The following PALM2AKAP2 variants were observed in gnomAD, a reference collection of about 807,000 sequenced individuals.
The protein encoded by PALM2AKAP2 is PALM2 and AKAP2 fusion.
PALM2AKAP2 carries 37 observed loss-of-function variants against 71.5 expected under a neutral mutation model. That is an observed-to-expected ratio of 0.52 (90% CI 0.40 to 0.68). The LOEUF is 0.68. Among genes scored for constraint, PALM2AKAP2 ranks in the 30% least tolerant of loss-of-function variants. The probability of loss-of-function intolerance (pLI) is 0.00; values close to 1 mark genes in which losing one functional copy is unlikely to be tolerated. For missense variants in PALM2AKAP2, 1,224 were observed against 1,191.8 expected (o/e 1.03, Z -0.40); for synonymous variants, 468 against 478.8 (o/e 0.98, Z 0.29).
chr9:109,695,753 T>C (rs545035391), intron 1 of PALM2AKAP2, among the ~76,000 whole-genome samples: 1 of 152,294 alleles, frequency 6.6e-6, no homozygotes, highest in South Asian at 2.1e-4. Context: ...GGTCATTATT[T>C]AAAGTGAAAT....
chr9:109,739,810 C>T (rs1269104284), intron 1 of PALM2AKAP2, among the ~76,000 whole-genome samples: 1 of 152,212 alleles, frequency 6.6e-6, no homozygotes, highest in Non-Finnish European at 1.5e-5. Flanking sequence ...CCTCTCTAGA[C>T]ACCCAAGGGA....
upstream of PALM2AKAP2, chr9:110,048,587 G>A: frequency 5.1e-6 from 6 of 1,166,076 alleles, no homozygotes; most frequent in African/African-American, 1.6e-5. Context: ...GGCGGTCCGT[G>A]GGCGCTGGGC....
intron 1 of PALM2AKAP2, among the ~76,000 whole-genome samples, chr9:109,692,495 G>A (rs567846182): frequency 6.6e-6 from 1 of 151,944 alleles, no homozygotes; most frequent in Non-Finnish European, 1.5e-5. Flanking sequence ...AGTGGTGAGA[G>A]CAAGCATATT....
At chr9:109,834,717 A>G (rs775810084) in intron 1 of PALM2AKAP2, among the ~76,000 whole-genome samples, 22 of 152,206 alleles carry the variant, frequency 1.4e-4, no homozygotes, top group Admixed American at 2.0e-4. Context: ...TGTGTTGAGT[A>G]TGGTGAAGGA....
intron 1 of PALM2AKAP2, among the ~76,000 whole-genome samples, chr9:109,742,250 TTCAC>T (rs1320352321): frequency 2.4e-5 from 3 of 124,162 alleles, no homozygotes; most frequent in Non-Finnish European, 5.0e-5. Context: ...ATGTGATGTA[TTCAC>T]ACACACACAC....
At chr9:109,808,827 T>G (rs1268943901) in intron 1 of PALM2AKAP2, among the ~76,000 whole-genome samples, 1 of 152,248 alleles carries the variant, frequency 6.6e-6, no homozygotes, top group Non-Finnish European at 1.5e-5. Flanking sequence ...TGCTGCTTTG[T>G]GCAGTCTTGA....
intron 1 of PALM2AKAP2, among the ~76,000 whole-genome samples, chr9:110,120,238 A>G (rs545140599): frequency 3.3e-5 from 5 of 152,306 alleles, no homozygotes; most frequent in Admixed American, 2.0e-4. Flanking sequence ...GTCCTCCCCA[A>G]TGCAACAAGA....
At chr9:109,692,048 T>C (rs1364865620) in intron 1 of PALM2AKAP2, among the ~76,000 whole-genome samples, 9 of 149,254 alleles carry the variant, frequency 6.0e-5, no homozygotes. Flanking sequence ...TAGTTAAATT[T>C]ATCTCTAAGT....
At chr9:109,644,737 C>T (rs1337394033) in intron 1 of PALM2AKAP2, among the ~76,000 whole-genome samples, 1 of 151,536 alleles carries the variant, frequency 6.6e-6, no homozygotes, top group Non-Finnish European at 1.5e-5. Context: ...TAAATCATCT[C>T]TCTCAAGTTC....
intron 1 of PALM2AKAP2, among the ~76,000 whole-genome samples, chr9:109,770,567 C>T (rs1829244647): frequency 6.6e-6 from 1 of 152,202 alleles, no homozygotes; most frequent in African/African-American, 2.4e-5. Context: ...AAGGTTTGTA[C>T]AGCATCAAAA....
rs188608340 is a variant in PALM2AKAP2, at chr9:109,697,125, C to A, written c.5+56259C>A. On this transcript the variant is annotated intron_variant, in intron 1 of 6. Coordinates refer to the PALM2AKAP2 transcript ENST00000374531. ...AGAGAATCTCACCTAAGACATTCAT[C>A]AACAGGGTACTGGTTAAATAAATGA... 1.8e-3 allele frequency among the ~76,000 whole-genome samples: 275 copies of A among 152,220 alleles called. 3 individuals are homozygous for A. The highest frequency in any genetic ancestry group is 3.2e-3 in the Non-Finnish European group (218 of 68,014).
intron 1 of PALM2AKAP2, among the ~76,000 whole-genome samples, chr9:109,672,842 T>C (rs1308078499): frequency 2.0e-5 from 3 of 152,104 alleles, no homozygotes; most frequent in African/African-American, 7.2e-5. Context: ...GGAGGGTATA[T>C]GTGTCCAGGA....
In PALM2AKAP2 at chr9:109,929,863, CAAAAAAA is replaced by C. The variant is rs58029417; in HGVS notation, c.395-2046_395-2040del. On this transcript the variant is annotated intron_variant, in intron 5 of 9. Coordinates refer to the PALM2AKAP2 transcript ENST00000302798. ...TGGGTGACAGAGTGAGACTCCATTT[CAAAAAAA>C]AAAAAAAAAAAAAAAAAGAGAGAGA... Among the ~76,000 whole-genome samples the C allele has an allele frequency of 5.3e-3, 366 of 69,438 alleles. 2 individuals carry two copies. Among genetic ancestry groups the C allele is most frequent in the African/African-American group, 0.018 (317 of 17,982 alleles). 45.6% of individuals were successfully genotyped at this position (69,438 alleles called of 152,430 possible).
intron 3 of PALM2AKAP2, among the ~76,000 whole-genome samples, chr9:109,887,728 T>C (rs1829999371): frequency 6.6e-6 from 1 of 152,134 alleles, no homozygotes; most frequent in Non-Finnish European, 1.5e-5. Flanking sequence ...ACAAGATGAA[T>C]GAAAAATAAT....
chr9:109,832,296 G>A (rs1228001590), intron 1 of PALM2AKAP2, among the ~76,000 whole-genome samples: 2 of 152,210 alleles, frequency 1.3e-5, no homozygotes, highest in East Asian at 3.9e-4. Flanking sequence ...TGTAAACATA[G>A]CTGAGATATA....
chr9:109,935,680 A>G (rs1831203347), intron 6 of PALM2AKAP2, among the ~76,000 whole-genome samples: 1 of 152,166 alleles, frequency 6.6e-6, no homozygotes, highest in Non-Finnish European at 1.5e-5. Context: ...CCTTCGATGT[A>G]GTTTAGAATC....
At chr9:110,006,377 C>T (rs1236398096) in intron 6 of PALM2AKAP2, among the ~76,000 whole-genome samples, 1 of 52,364 alleles carries the variant, frequency 1.9e-5, no homozygotes, top group South Asian at 4.6e-4. Context: ...TTTCTTCTCT[C>T]TTTCTTTACA....
chr9:109,755,821 C>G (rs1309416387), intron 1 of PALM2AKAP2, among the ~76,000 whole-genome samples: 2 of 151,864 alleles, frequency 1.3e-5, no homozygotes, highest in South Asian at 2.1e-4. Flanking sequence ...GAATGTAAAC[C>G]TGATGAAGAC....
intron 3 of PALM2AKAP2, among the ~76,000 whole-genome samples, chr9:109,922,092 G>A (rs775467754): frequency 1.7e-4 from 26 of 152,080 alleles, no homozygotes; most frequent in Non-Finnish European, 3.2e-4. Context: ...TTAGGTCTAA[G>A]TCTAATGGCC....
Sources: gnomAD v4.1 joint callset for allele counts (sites outside exome capture counted in the v4.1 genomes callset) on GRCh38, gnomAD v4.1.1 for gene constraint, MANE v1.5 for transcripts, NCBI Gene and HGNC (gene_info 2026-07-23, HGNC 2026-07-21) for gene names.